Variants in GULP1 observed in about 807,000 individuals in gnomAD.
GULP1 encodes the protein PTB domain-containing engulfment adapter protein 1.
A neutral mutation model predicts 40.9 loss-of-function variants in GULP1; 19 were observed. The observed-to-expected ratio is 0.46, with a 90% CI of 0.32 to 0.68. The LOEUF (loss-of-function observed/expected upper bound fraction) is 0.68. Among genes scored for constraint, GULP1 ranks in the 30% least tolerant of loss-of-function variants. The pLI is 0.03. For synonymous variants in GULP1, 119 were observed against 117.6 expected (o/e 1.01, Z -0.08); for missense variants, 312 against 362.2 (o/e 0.86, Z 1.12).
intron 2 of GULP1, among the ~76,000 whole-genome samples, chr2:188,395,477 G>A (rs936574981): frequency 6.6e-5 from 10 of 152,126 alleles, no homozygotes; most frequent in African/African-American, 2.4e-4. Context: ...GGCAAAACAA[G>A]TCCTCTTCTC....
intron 2 of GULP1, among the ~76,000 whole-genome samples, chr2:188,473,403 G>C (rs2060754249): frequency 6.6e-6 from 1 of 152,308 alleles, no homozygotes; most frequent in Non-Finnish European, 1.5e-5. Flanking sequence ...GTCCAGAGTT[G>C]CCTATTGGAA....
At chr2:188,505,442 G>GC (rs928176008) in intron 4 of GULP1, among the ~76,000 whole-genome samples, 1 of 151,582 alleles carries the variant, frequency 6.6e-6, no homozygotes, top group Admixed American at 6.6e-5. Context: ...TTCATAGTTT[G>GC]CCCCCAAATA....
At position 188,594,296 on chromosome 2, in the gene GULP1, T is replaced by A. The variant is rs1316321529; in HGVS notation, c.*285T>A. 4.7e-6 allele frequency: 1 copy of A among 211,706 alleles called. No individual in the cohort carries two copies. The highest frequency in any genetic ancestry group is 2.3e-5 in the African/African-American group (1 of 43,672). 13.1% of individuals were successfully genotyped at this position (211,706 alleles called of 1,614,324 possible). A position where few individuals can be genotyped will look rare whatever the true frequency, so the allele number is the denominator to read the frequency against. On this transcript the variant is annotated 3_prime_UTR_variant, in exon 12 of 12. Transcript: ENST00000409830. ...ATTATACAAATACCTGCCTTGTGTC[T>A]GAGTTCTATTTAGTTAGCATCTTGA...
rs1305904197 is a variant in GULP1 at position 188,525,356 on chromosome 2, A to G, written c.162+2529A>G. Among the ~76,000 whole-genome samples the G allele has an allele frequency of 2.0e-5, 3 of 152,092 alleles. No individual in the cohort carries two copies. In the East Asian group the frequency reaches 5.8e-4, roughly 29 times the overall value. ...CAGTGAGCCGCGATCGCGCCATTGC[A>G]CTCCAGCCTGGGCAACAAGAGGGAA... On this transcript the variant is annotated intron_variant, in intron 5 of 11. Transcript: ENST00000409830.
chr2:188,410,973 T>C (rs1360186811), intron 2 of GULP1, among the ~76,000 whole-genome samples: 3 of 152,210 alleles, frequency 2.0e-5, no homozygotes, highest in Non-Finnish European at 2.9e-5. Flanking sequence ...TGTTTACTCA[T>C]GTGGTCATAA....
chr2:188,446,807 A>G (rs1404475847), intron 2 of GULP1, among the ~76,000 whole-genome samples: 1 of 152,036 alleles, frequency 6.6e-6, no homozygotes, highest in South Asian at 2.1e-4. Context: ...ATTTCTTGCT[A>G]GACATTTGAC....
chr2:188,356,203 GAAAGAGAA>G (rs1405810311), intron 1 of GULP1, among the ~76,000 whole-genome samples: 1 of 152,046 alleles, frequency 6.6e-6, no homozygotes, highest in African/African-American at 2.4e-5. Context: ...TTAGGCAAGA[GAAAGAGAA>G]AAAGGGCATC....
chr2:188,439,452 C>T (rs569960291), intron 2 of GULP1, among the ~76,000 whole-genome samples: 1 of 152,188 alleles, frequency 6.6e-6, no homozygotes, highest in African/African-American at 2.4e-5. Flanking sequence ...TCTGTATCTC[C>T]AATACCTGAA....
intron 2 of GULP1, among the ~76,000 whole-genome samples, chr2:188,460,786 C>T (rs2059638855): frequency 1.3e-5 from 2 of 152,012 alleles, no homozygotes; most frequent in Admixed American, 1.3e-4. Context: ...AGCTGTGGGT[C>T]TGTCATATAT....
chr2:188,454,568 C>A (rs1019430962), intron 2 of GULP1, among the ~76,000 whole-genome samples: 1 of 152,168 alleles, frequency 6.6e-6, no homozygotes, highest in African/African-American at 2.4e-5. Context: ...CACCAGGGAA[C>A]CACCTCTATC....
At chr2:188,553,217 G>C (rs182535434) in intron 7 of GULP1, among the ~76,000 whole-genome samples, 2 of 151,886 alleles carry the variant, frequency 1.3e-5, no homozygotes, top group African/African-American at 4.8e-5. Context: ...CCAGTACCGT[G>C]TTGAATAGGA....
At chr2:188,407,343 G>T (rs991303577) in intron 2 of GULP1, among the ~76,000 whole-genome samples, 1 of 152,120 alleles carries the variant, frequency 6.6e-6, no homozygotes, top group Non-Finnish European at 1.5e-5. Flanking sequence ...TAAATACACA[G>T]TCTAATTCAG....
At chr2:188,345,494 T>G (rs1046403829) in intron 1 of GULP1, among the ~76,000 whole-genome samples, 4 of 152,146 alleles carry the variant, frequency 2.6e-5, no homozygotes, top group African/African-American at 9.7e-5. Flanking sequence ...ATAACCATGG[T>G]CAAGTGCTGA....
intron 6 of GULP1, among the ~76,000 whole-genome samples, chr2:188,537,346 G>A (rs928885832): frequency 6.6e-6 from 1 of 151,976 alleles, no homozygotes; most frequent in Non-Finnish European, 1.5e-5. Flanking sequence ...GTACTATTCT[G>A]AAGTATGTTC....
intron 7 of GULP1, among the ~76,000 whole-genome samples, chr2:188,546,391 C>A (rs573828998): frequency 6.6e-6 from 1 of 152,048 alleles, no homozygotes; most frequent in Middle Eastern, 3.4e-3. Flanking sequence ...ATAAGGAAAT[C>A]AATCTAAAGA....
In GULP1 at chr2:188,595,752, A is replaced by G. The variant is rs904588651; in HGVS notation, c.*1741A>G. 1.3e-5 allele frequency: 2 copies of G among 152,206 alleles called. No individual in the cohort carries two copies. Among genetic ancestry groups the G allele is most frequent in the Admixed American group, 1.3e-4 (2 of 15,166 alleles). The allele number at this position is 152,206 out of a possible 1,614,324, so 9.4% of individuals were successfully genotyped here. A position where few individuals can be genotyped will look rare whatever the true frequency, so the allele number is the denominator to read the frequency against. ...ACATTTAAGATATGTTACTTTACCA[A>G]TTTTTAATGGTAATCAACTCTGCTA... is the stretch of plus-strand genomic sequence containing the variant. On this transcript the variant is annotated 3_prime_UTR_variant, in exon 12 of 12. Coordinates refer to ENST00000409830, the MANE Select transcript of GULP1 (RefSeq NM_016315.4).
intron 2 of GULP1, among the ~76,000 whole-genome samples, chr2:188,433,593 A>G (rs1315256575): frequency 2.6e-5 from 4 of 152,100 alleles, no homozygotes; most frequent in Non-Finnish European, 5.9e-5. Context: ...TCAGAGAAGA[A>G]TCTCTCAGTC....
chr2:188,310,609 AGG>A, intron 1 of GULP1, among the ~76,000 whole-genome samples: 2 of 152,296 alleles, frequency 1.3e-5, no homozygotes, highest in East Asian at 3.9e-4. Context: ...GGGGACATTC[AGG>A]GAGAGGTGCT....
At chr2:188,576,781 G>T (rs181773797) in intron 9 of GULP1, among the ~76,000 whole-genome samples, 1 of 151,964 alleles carries the variant, frequency 6.6e-6, no homozygotes, top group African/African-American at 2.4e-5. Context: ...AGAAATTTCC[G>T]TTACTTGACT....
Sources: allele counts gnomAD v4.1 joint callset (sites outside exome capture counted in the v4.1 genomes callset), GRCh38; gene constraint gnomAD v4.1.1; transcripts MANE v1.5; gene names NCBI Gene and HGNC (gene_info 2026-07-23, HGNC 2026-07-21).